The following CCDC171 variants were observed in gnomAD, a reference collection of about 807,000 sequenced individuals.
The protein encoded by CCDC171 is coiled-coil domain containing 171.
In CCDC171, 177 loss-of-function variants were observed where a neutral mutation model predicts 168.2. The ratio of observed to expected loss-of-function variants is 1.05; its 90% confidence interval spans 0.93 to 1.19. The LOEUF (loss-of-function observed/expected upper bound fraction) is 1.19, where lower values mean the gene tolerates loss of function less well. CCDC171 is among the 50% of genes most tolerant of loss of function. CCDC171 has a pLI of 0.00. For synonymous variants in CCDC171, 687 were observed against 540.8 expected (o/e 1.27, Z -3.75); for missense variants, 1,991 against 1,539.0 (o/e 1.29, Z -4.91).
chr9:16,079,696 A>G, the CCDC171 span, among the ~76,000 whole-genome samples: 57 of 152,292 alleles, frequency 3.7e-4, no homozygotes, highest in African/African-American at 1.3e-3. Flanking sequence ...CGATAATTCT[A>G]TTGTTCAAGC....
chr9:15,914,696 A>G (rs1371852907), intron 24 of CCDC171, among the ~76,000 whole-genome samples: 1 of 10,904 alleles, frequency 9.2e-5, no homozygotes, highest in Non-Finnish European at 1.4e-3. Flanking sequence ...ATGGGGTATG[A>G]AAAAAAAACT....
intron 7 of CCDC171, among the ~76,000 whole-genome samples, chr9:15,627,197 T>A (rs536340734): frequency 1.3e-5 from 2 of 152,284 alleles, no homozygotes; most frequent in East Asian, 3.9e-4. Context: ...CCTATTTGAT[T>A]CTTCTCTCTT....
At chr9:15,720,452 T>C (rs916974874) in intron 11 of CCDC171, among the ~76,000 whole-genome samples, 1 of 152,178 alleles carries the variant, frequency 6.6e-6, no homozygotes, top group African/African-American at 2.4e-5. Flanking sequence ...TAGTATGTAG[T>C]AGGAATTCAG....
chr9:15,804,086 C>T (rs2058959449), intron 21 of CCDC171, among the ~76,000 whole-genome samples: 1 of 152,104 alleles, frequency 6.6e-6, no homozygotes, highest in South Asian at 2.1e-4. Flanking sequence ...ATTTTGTATC[C>T]TGAGACTTTG....
chr9:15,574,135 C>A (rs903922148), intron 3 of CCDC171, among the ~76,000 whole-genome samples: 1 of 150,986 alleles, frequency 6.6e-6, no homozygotes, highest in Non-Finnish European at 1.5e-5. Context: ...TATTTCTTTT[C>A]TTTCTCTTTT....
chr9:16,084,936 C>A, the CCDC171 span, among the ~76,000 whole-genome samples: 1 of 152,324 alleles, frequency 6.6e-6, no homozygotes, highest in East Asian at 1.9e-4. Context: ...CTCACTTAAT[C>A]TCTTTGAGCA....
intron 3 of CCDC171, among the ~76,000 whole-genome samples, chr9:15,979,048 T>A (rs2132862045): frequency 6.6e-6 from 1 of 152,330 alleles, no homozygotes; most frequent in South Asian, 2.1e-4. Flanking sequence ...GGTTTGTTCA[T>A]ACGGTACCGT....
chr9:15,969,967 C>G (rs1831181832), intron 25 of CCDC171, among the ~76,000 whole-genome samples: 1 of 152,178 alleles, frequency 6.6e-6, no homozygotes, highest in South Asian at 2.1e-4. Context: ...CTCATTAATA[C>G]TACTAATCAG....
intron 25 of CCDC171, among the ~76,000 whole-genome samples, chr9:15,946,147 C>G (rs902021860): frequency 3.3e-5 from 5 of 151,862 alleles, no homozygotes; most frequent in Non-Finnish European, 2.9e-5. Context: ...AATCCTTTCC[C>G]CATTGCTTGT....
intron 10 of CCDC171, among the ~76,000 whole-genome samples, chr9:15,683,077 A>G (rs7035422): frequency 0.052 from 7,937 of 152,032 alleles, 240 homozygotes; most frequent in Middle Eastern, 0.092. Context: ...TAAGTCCGTC[A>G]TTTCTTGAGA....
intron 21 of CCDC171, among the ~76,000 whole-genome samples, chr9:15,799,144 A>ATATATATATC (rs1381930187): frequency 1.0e-5 from 1 of 99,348 alleles, no homozygotes; most frequent in Admixed American, 9.6e-5. Flanking sequence ...CCATATATAT[A>ATATATATATC]TATATATATA....
At chr9:15,795,899 A>C (rs1449819655) in intron 21 of CCDC171, among the ~76,000 whole-genome samples, 1 of 152,244 alleles carries the variant, frequency 6.6e-6, no homozygotes, top group African/African-American at 2.4e-5. Context: ...AAAATGGTAC[A>C]GTCCAGTCAC....
chr9:15,992,542 G>A (rs2132915658), intron 3 of CCDC171, among the ~76,000 whole-genome samples: 2 of 152,330 alleles, frequency 1.3e-5, no homozygotes, highest in South Asian at 2.1e-4. Context: ...ACAAGACAGG[G>A]ATGCCCTCTC....
chr9:15,653,553 A>G (rs1015750278), intron 7 of CCDC171, among the ~76,000 whole-genome samples: 1 of 152,196 alleles, frequency 6.6e-6, no homozygotes, highest in Non-Finnish European at 1.5e-5. Flanking sequence ...AATTTCACAC[A>G]TACATGAAAG....
At chr9:15,936,157 AT>A (rs1827090860) in intron 25 of CCDC171, among the ~76,000 whole-genome samples, 1 of 152,064 alleles carries the variant, frequency 6.6e-6, no homozygotes, top group Non-Finnish European at 1.5e-5. Flanking sequence ...GCACTGTTAT[AT>A]AAACAGACCC....
intron 10 of CCDC171, among the ~76,000 whole-genome samples, chr9:15,682,798 TA>T (rs970021434): frequency 1.1e-4 from 16 of 152,100 alleles, no homozygotes; most frequent in African/African-American, 3.6e-4. Context: ...AATTTGACTA[TA>T]AAAAGTTTTG....
At chr9:15,662,005 AG>A (rs2048356158) in intron 8 of CCDC171, among the ~76,000 whole-genome samples, 1 of 152,206 alleles carries the variant, frequency 6.6e-6, no homozygotes, top group Non-Finnish European at 1.5e-5. Context: ...TGCCAGGTGC[AG>A]TGGCTCACAC....
At chr9:15,633,224 A>G (rs2045895443) in intron 7 of CCDC171, among the ~76,000 whole-genome samples, 2 of 152,200 alleles carry the variant, frequency 1.3e-5, no homozygotes, top group African/African-American at 4.8e-5. Context: ...CTACCGTCAG[A>G]GTGAACAGGC....
chr9:15,749,022 A>G (rs2055510729), intron 18 of CCDC171, among the ~76,000 whole-genome samples: 1 of 152,188 alleles, frequency 6.6e-6, no homozygotes, highest in Non-Finnish European at 1.5e-5. Flanking sequence ...TCAGACTGGT[A>G]AATTGGATAA....
Sources: gnomAD v4.1 joint callset for allele counts (sites outside exome capture counted in the v4.1 genomes callset) on GRCh38, gnomAD v4.1.1 for gene constraint, MANE v1.5 for transcripts, NCBI Gene and HGNC (gene_info 2026-07-23, HGNC 2026-07-21) for gene names.